FAM76A: variants seen among roughly 807,000 people sequenced by gnomAD.
FAM76A encodes the protein protein FAM76A.
Under a neutral mutation model 46.2 loss-of-function variants are expected in FAM76A, and 32 were observed. The ratio of observed to expected loss-of-function variants is 0.69; its 90% confidence interval spans 0.52 to 0.93. FAM76A has a LOEUF of 0.93. Among genes scored for constraint, FAM76A ranks in the 40% least tolerant of loss-of-function variants. The pLI, the probability that FAM76A is intolerant of heterozygous loss-of-function variation, is 0.00. For missense variants in FAM76A, 274 were observed against 361.5 expected (o/e 0.76, Z 1.96); for synonymous variants, 137 against 127.0 (o/e 1.08, Z -0.53).
Position 27,760,870 on chromosome 1 carries a change from C to CTTT in FAM76A, c.*293_*295dup, listed in dbSNP as rs2088492929. 1.2e-4 allele frequency: 5 copies of CTTT among 43,158 alleles called. No homozygotes were observed. The highest frequency in any genetic ancestry group is 1.9e-4 in the Non-Finnish European group (4 of 21,278). The allele number at this position is 43,158 out of a possible 1,614,324, so 2.7% of individuals were successfully genotyped here. A position where few individuals can be genotyped will look rare whatever the true frequency, so the allele number is the denominator to read the frequency against. On this transcript the variant is annotated 3_prime_UTR_variant, in exon 9 of 9. Coordinates refer to ENST00000373954, the MANE Select transcript of FAM76A (RefSeq NM_152660.3). ...TATTTTGGTTCTATTCTTTTTTTTT[C>CTTT]TTTTTTCTTTTTTTTTTTTTTTTTT...
chr1:27,751,201 TTTTC>T (rs2088326660), intron 6 of FAM76A, among the ~76,000 whole-genome samples: 1 of 152,210 alleles, frequency 6.6e-6, no homozygotes, highest in Non-Finnish European at 1.5e-5. Context: ...GCTAATTTAT[TTTTC>T]TAAGTAATTT....
chr1:27,759,726 T>G (rs1274535096), intron 8 of FAM76A, 99 bp downstream of exon 8: 1 of 836,190 alleles, frequency 1.2e-6, no homozygotes, highest in Non-Finnish European at 1.9e-6. Context: ...TTTCTTTTTT[T>G]TCTCAAAGTA....
At position 27,748,963 on chromosome 1, in the gene FAM76A, A is replaced by G. The variant is rs189859566; in HGVS notation, c.513-105A>G. On this transcript the variant is annotated intron_variant, in intron 5 of 8. Coordinates refer to ENST00000373954, the MANE Select transcript of FAM76A (RefSeq NM_152660.3). ...AATCAAGAATTATTAGCTCTTGCAT[A>G]GAAGAGCTGCTGTCTTAACATTGGT... 4.8e-5 allele frequency: 32 copies of G among 662,056 alleles called. No homozygotes were observed. The East Asian group carries it at 8.9e-4, about 18-fold the overall frequency. 41.0% of individuals were successfully genotyped at this position (662,056 alleles called of 1,614,324 possible).
intron 1 of FAM76A, among the ~76,000 whole-genome samples, chr1:27,726,502 T>C (rs1438945204): frequency 1.3e-5 from 2 of 152,162 alleles, no homozygotes; most frequent in Non-Finnish European, 1.5e-5. Flanking sequence ...GTCTCCCTGG[T>C]GGGGACCTCC....
chr1:27,755,363 T>C lies in FAM76A; in HGVS notation c.735+33T>C, dbSNP rs201962994. 172 of 1,612,388 alleles carry C rather than the reference T, an allele frequency of 1.1e-4. 2 individuals are homozygous for C. The African/African-American group carries it at 2.1e-3, about 20-fold the overall frequency. ...TTAGTTAATTCCTCTCTGACCAGAA[T>C]GATGCGAGGGTGAGATATGTGGTAT... On this transcript the variant is annotated intron_variant, in intron 7 of 8. Coordinates refer to ENST00000373954, the MANE Select transcript of FAM76A (RefSeq NM_152660.3).
intron 4 of FAM76A, chr1:27,740,486 A>C: frequency 6.8e-7 from 1 of 1,464,232 alleles, no homozygotes; most frequent in Non-Finnish European, 9.5e-7. Context: ...AGGTCCTGAC[A>C]CTGTCCACAA....
chr1:27,744,671 G>A lies in FAM76A; in HGVS notation c.372G>A (p.Leu124=), dbSNP rs771217214. 4 of 1,614,038 alleles carry A rather than the reference G, an allele frequency of 2.5e-6. No individual in the cohort carries two copies. The highest frequency in any genetic ancestry group is 3.4e-6 in the Non-Finnish European group (4 of 1,179,958). ...DDRKKVDGKL[L]CWLCTLSYKR... The stretch of plus-strand genomic sequence containing the variant: ...TCTTTCAGGTAGATGGGAAATTGCT[G>A]TGCTGGCTGTGCACACTTTCATACA... Residue 124 remains leucine (L), a synonymous_variant, in exon 5 of 9, where the codon CTG becomes CTA. Coordinates refer to ENST00000373954, the MANE Select transcript of FAM76A (RefSeq NM_152660.3).
rs2088492929 is a variant in FAM76A at position 27,760,870 on chromosome 1, C to CTTTTTTTTTTTTTTTTTTTTTTTTTTTT, written c.*295_*296insTTTTTTTTTTTTTTTTTTTTTTTTTTTT. On this transcript the variant is annotated 3_prime_UTR_variant, in exon 9 of 9. Transcript: ENST00000373954. The stretch of plus-strand genomic sequence containing the variant: ...TATTTTGGTTCTATTCTTTTTTTTT[C>CTTTTTTTTTTTTTTTTTTTTTTTTTTTT]TTTTTTCTTTTTTTTTTTTTTTTTT... The CTTTTTTTTTTTTTTTTTTTTTTTTTTTT allele has an allele frequency of 1.2e-4, 5 of 43,146 alleles. No individual in the cohort carries two copies. The highest frequency in any genetic ancestry group is 1.9e-4 in the Non-Finnish European group (4 of 21,268). 2.7% of individuals were successfully genotyped at this position (43,146 alleles called of 1,614,324 possible). A position where few individuals can be genotyped will look rare whatever the true frequency, so the allele number is the denominator to read the frequency against.
chr1:27,727,154 G>T (rs560396667), intron 1 of FAM76A, among the ~76,000 whole-genome samples: 12 of 152,226 alleles, frequency 7.9e-5, no homozygotes, highest in Middle Eastern at 3.4e-3. Flanking sequence ...CAAGTAAACC[G>T]CAAAATCACA....
Position 27,759,496 on chromosome 1 carries a change from C to T in FAM76A, c.736-30C>T, listed in dbSNP as rs375363374. ...ATTTTTTTTTATTGCACAGAAATTT[C>T]TTCTGGTTATTCTGCCTTGTTTCCC... On this transcript the variant is annotated intron_variant, in intron 7 of 8. Coordinates refer to ENST00000373954, the MANE Select transcript of FAM76A (RefSeq NM_152660.3). The T allele has an allele frequency of 6.0e-6, 9 of 1,510,036 alleles. No individual in the cohort carries two copies. The African/African-American group carries it at 1.3e-4, about 21-fold the overall frequency. The allele number at this position is 1,510,036 out of a possible 1,614,324, so 93.5% of individuals were successfully genotyped here.
chr1:27,744,721 A>T lies in FAM76A; in HGVS notation c.422A>T (p.Glu141Val), dbSNP rs1168763910. 6.2e-7 allele frequency: 1 copy of T among 1,614,174 alleles called. No individual in the cohort carries two copies. Among genetic ancestry groups the T allele is most frequent in the South Asian group, 1.1e-5 (1 of 91,086 alleles). ...SYKRVLQKTK[E>V]QRKHLSSSSR... ...AAACGGGTCCTTCAGAAGACCAAAGAGCAGAGGAAACACCTGAGTAGCTCT... is the reference window on the plus strand; with the variant it reads ...AAACGGGTCCTTCAGAAGACCAAAGTGCAGAGGAAACACCTGAGTAGCTCT... The change falls in exon 5 of 9, where the codon GAG (glutamate) becomes GTG (valine). Residue 141 changes from glutamate to valine, a missense_variant. Physicochemically the swap from Glu to Val is moderately radical, Grantham distance 121. Transcript: ENST00000373954.
At chr1:27,730,176 C>A in intron 2 of FAM76A, 2 of 200,556 alleles carry the variant, frequency 1.0e-5, no homozygotes, top group Non-Finnish European at 9.9e-6. Flanking sequence ...TTTTCTTTTT[C>A]TTTTCTTTTT....
chr1:27,753,577 T>C (rs1049027336), intron 6 of FAM76A, among the ~76,000 whole-genome samples: 3 of 152,240 alleles, frequency 2.0e-5, no homozygotes, highest in African/African-American at 7.2e-5. Context: ...TATGAGAGCA[T>C]TGATTCATTC....
chr1:27,734,540 C>G (rs1187349023), intron 4 of FAM76A, among the ~76,000 whole-genome samples: 1 of 152,112 alleles, frequency 6.6e-6, no homozygotes, highest in Non-Finnish European at 1.5e-5. Flanking sequence ...GAGCAAGACT[C>G]TATCTCAAAA....
At chr1:27,745,058 G>A (rs539492057) in intron 5 of FAM76A, among the ~76,000 whole-genome samples, 10 of 152,254 alleles carry the variant, frequency 6.6e-5, no homozygotes, top group African/African-American at 2.2e-4. Context: ...GTGGAACTTC[G>A]TTTGTAGTGT....
intron 7 of FAM76A, among the ~76,000 whole-genome samples, chr1:27,759,154 A>T (rs1464080622): frequency 6.6e-6 from 1 of 152,184 alleles, no homozygotes; most frequent in Non-Finnish European, 1.5e-5. Context: ...GATCTTGGCC[A>T]CATTCCTTAA....
intron 5 of FAM76A, among the ~76,000 whole-genome samples, chr1:27,747,029 T>G (rs1165437303): frequency 6.6e-6 from 1 of 152,066 alleles, no homozygotes; most frequent in Non-Finnish European, 1.5e-5. Flanking sequence ...TGAGCCATGA[T>G]TATGCCATTG....
chr1:27,737,567 C>T lies in FAM76A; in HGVS notation c.354+3384C>T, dbSNP rs2014957. 3.3e-5 allele frequency among the ~76,000 whole-genome samples: 5 copies of T among 151,560 alleles called. No homozygotes were observed. The South Asian group carries it at 1.0e-3, about 32-fold the overall frequency. On this transcript the variant is annotated intron_variant, in intron 4 of 8. Transcript: ENST00000373954. ...CTGTCACTATTAAAAATACAAAAAT[C>T]TCGGCCGGGCACGTTGGCTCACGGC...
rs529533385 is a variant in FAM76A, at chr1:27,731,921, A to T, written c.147-682A>T. On this transcript the variant is annotated intron_variant, in intron 2 of 8. Transcript: ENST00000373954. ...ACTGCAACCTCCGCCTCCCGGGTTC[A>T]AGTGATTCTCTTGTCTCAGCCTCCC... Among the ~76,000 whole-genome samples, 30 of 152,206 alleles carry T rather than the reference A, an allele frequency of 2.0e-4. No homozygotes were observed. In the East Asian group the frequency reaches 5.8e-3, roughly 30 times the overall value.
Sources: allele counts gnomAD v4.1 joint callset (sites outside exome capture counted in the v4.1 genomes callset), GRCh38; gene constraint gnomAD v4.1.1; transcripts MANE v1.5; gene names NCBI Gene and HGNC (gene_info 2026-07-23, HGNC 2026-07-21).